The following CD53 variants were observed in gnomAD, a reference collection of about 807,000 sequenced individuals.
CD53 encodes CD53 molecule.
CD53 carries 20 observed loss-of-function variants against 27.3 expected under a neutral mutation model. That is an observed-to-expected ratio of 0.73 (90% CI 0.52 to 1.07). The LOEUF is 1.07. Among genes scored for constraint, CD53 ranks in the 50% least tolerant of loss-of-function variants. The pLI, the probability that CD53 is intolerant of heterozygous loss-of-function variation, is 0.00. For missense variants in CD53, 216 were observed against 264.0 expected, an observed-to-expected ratio of 0.82 and a Z score of 1.26; for synonymous variants, 106 against 105.3, an observed-to-expected ratio of 1.01 and a Z score of -0.04.
At chr1:110,879,237 C>A (rs1341552307) in intron 1 of CD53, among the ~76,000 whole-genome samples, 1 of 152,228 alleles carries the variant, frequency 6.6e-6, no homozygotes, top group Non-Finnish European at 1.5e-5. Flanking sequence ...AGGGACTGAG[C>A]CATCCTGGAA....
rs1403811338 is a variant in CD53 at position 110,896,746 on chromosome 1, G to T, written c.504+13G>T. ...TCGAAAAGTGGAGGTAATTTTGTCG[G>T]CAATGTTTCTGTTATTGACCTCTTT... On this transcript the variant is annotated intron_variant, in intron 6 of 7. Transcript: ENST00000271324. 3 of 1,609,068 alleles carry T rather than the reference G, an allele frequency of 1.9e-6. No individual in the cohort carries two copies. Among genetic ancestry groups the T allele is most frequent in the Non-Finnish European group, 2.5e-6 (3 of 1,176,688 alleles).
intron 1 of CD53, among the ~76,000 whole-genome samples, chr1:110,880,604 A>G (rs1365010249): frequency 6.6e-6 from 1 of 152,020 alleles, no homozygotes; most frequent in Non-Finnish European, 1.5e-5. Context: ...TGAGTTAGTT[A>G]TTTTCCTATG....
At chr1:110,898,152 C>G (rs2101069618) in intron 7 of CD53, among the ~76,000 whole-genome samples, 1 of 152,112 alleles carries the variant, frequency 6.6e-6, no homozygotes, top group South Asian at 2.1e-4. Flanking sequence ...CTGAGGCAGG[C>G]AGATCACGAG....
At chr1:110,887,315 C>T (rs1049263466) in intron 1 of CD53, among the ~76,000 whole-genome samples, 2 of 152,128 alleles carry the variant, frequency 1.3e-5, no homozygotes, top group Non-Finnish European at 2.9e-5. Flanking sequence ...CCGCCCGCCT[C>T]GGCCTCCCAA....
chr1:110,886,181 T>G (rs1656593665), intron 1 of CD53, among the ~76,000 whole-genome samples: 1 of 152,172 alleles, frequency 6.6e-6, no homozygotes, highest in South Asian at 2.1e-4. Flanking sequence ...GTTGCTCCAC[T>G]TTCTTCCAGC....
chr1:110,888,420 T>G (rs1194126899), intron 1 of CD53, among the ~76,000 whole-genome samples: 1 of 152,204 alleles, frequency 6.6e-6, no homozygotes, highest in Admixed American at 6.5e-5. Context: ...AAACTGTCTG[T>G]GAATATAAGC....
upstream of CD53, among the ~76,000 whole-genome samples, chr1:110,872,679 T>C (rs1655999750): frequency 6.6e-6 from 1 of 151,406 alleles, no homozygotes; most frequent in African/African-American, 2.4e-5. Context: ...ACAGAGGGAG[T>C]ATGAGGAGGG....
chr1:110,882,112 T>TA (rs1310940105), intron 1 of CD53, among the ~76,000 whole-genome samples: 1 of 152,204 alleles, frequency 6.6e-6, no homozygotes, highest in Non-Finnish European at 1.5e-5. Context: ...CAGAAGTTTT[T>TA]AATTTTGAAG....
At chr1:110,885,544 C>CA (rs1557816276) in intron 1 of CD53, among the ~76,000 whole-genome samples, 1 of 138,634 alleles carries the variant, frequency 7.2e-6, no homozygotes, top group African/African-American at 2.7e-5. Flanking sequence ...TCTCAAAAAA[C>CA]AAAAAACAAA....
At chr1:110,884,317 A>G (rs1656478911) in intron 1 of CD53, among the ~76,000 whole-genome samples, 1 of 152,114 alleles carries the variant, frequency 6.6e-6, no homozygotes, top group African/African-American at 2.4e-5. Context: ...GAAACTTTCT[A>G]GGGATATTTC....
At chr1:110,878,395 C>A (rs1036452809) in intron 1 of CD53, among the ~76,000 whole-genome samples, 1 of 151,744 alleles carries the variant, frequency 6.6e-6, no homozygotes, top group Non-Finnish European at 1.5e-5. Context: ...AATTACCTTG[C>A]GAATGCTCTT....
intron 1 of CD53, among the ~76,000 whole-genome samples, chr1:110,875,387 G>C (rs1035296407): frequency 1.3e-5 from 2 of 152,204 alleles, no homozygotes; most frequent in Non-Finnish European, 1.5e-5. Flanking sequence ...GAATTGATGG[G>C]ATGTGGGTTT....
rs867827300 is a variant in CD53, at chr1:110,886,850, T to G, written c.-17-4542T>G. Among the ~76,000 whole-genome samples the G allele has an allele frequency of 5.7e-3, 350 of 61,228 alleles. 9 individuals are homozygous for G. Among genetic ancestry groups the G allele is most frequent in the African/African-American group, 0.016 (328 of 20,966 alleles). 40.2% of individuals were successfully genotyped at this position (61,228 alleles called of 152,430 possible). On this transcript the variant is annotated intron_variant, in intron 1 of 7. Transcript: ENST00000271324. Reference sequence around the variant, plus strand: ...ACAGAGCGAGACTCTGTCTCCAATATATATATATATATATATATATTTTTT... The same window carrying G: ...ACAGAGCGAGACTCTGTCTCCAATAGATATATATATATATATATATTTTTT...
In CD53 at chr1:110,892,597, A is replaced by G. The variant is rs568275558; in HGVS notation, c.252+64A>G. 6 of 1,335,106 alleles carry G rather than the reference A, an allele frequency of 4.5e-6. No homozygotes were observed. The African/African-American group carries it at 8.7e-5, about 19-fold the overall frequency. The allele number at this position is 1,335,106 out of a possible 1,614,324, so 82.7% of individuals were successfully genotyped here. On this transcript the variant is annotated intron_variant, in intron 3 of 7. Transcript: ENST00000271324. ...AGATGGTGCCTAAATCCCAGGCAAG[A>G]TGTTTCTTGGTAGATCACTTATAGG...
chr1:110,875,881 T>A (rs763004908), intron 1 of CD53, among the ~76,000 whole-genome samples: 12 of 152,092 alleles, frequency 7.9e-5, no homozygotes, highest in Non-Finnish European at 1.2e-4. Context: ...CCACTCAGAG[T>A]AAAGGCCAGG....
chr1:110,881,044 T>C (rs1656334455), intron 1 of CD53, among the ~76,000 whole-genome samples: 1 of 152,194 alleles, frequency 6.6e-6, no homozygotes, highest in African/African-American at 2.4e-5. Context: ...ATTGCTTTGC[T>C]AAATTTTAAA....
At chr1:110,891,506 C>T (rs1420581684) in intron 2 of CD53, 35 bp downstream of exon 2, 3 of 1,530,186 alleles carry the variant, frequency 2.0e-6, no homozygotes, top group Non-Finnish European at 2.7e-6. Context: ...GTTTAGCTCA[C>T]CTTTACCCAG....
chr1:110,896,824 C>A, intron 6 of CD53, 91 bp downstream of exon 6: 1 of 1,076,770 alleles, frequency 9.3e-7, no homozygotes, highest in African/African-American at 1.6e-5. Context: ...CCTAGACCTT[C>A]TATTGAGAAA....
chr1:110,896,444 G>A (rs1271986267), intron 5 of CD53, among the ~76,000 whole-genome samples: 1 of 152,192 alleles, frequency 6.6e-6, no homozygotes, highest in Non-Finnish European at 1.5e-5. Context: ...ATTAAGCACA[G>A]GGGTCTCTAC....
Sources: gnomAD v4.1 joint callset for allele counts (sites outside exome capture counted in the v4.1 genomes callset) on GRCh38, gnomAD v4.1.1 for gene constraint, MANE v1.5 for transcripts, NCBI Gene and HGNC (gene_info 2026-07-23, HGNC 2026-07-21) for gene names.